SDK1: variants seen among roughly 807,000 people sequenced by gnomAD.
The protein encoded by SDK1 is protein sidekick-1.
A neutral mutation model predicts 245.5 loss-of-function variants in SDK1; 157 were observed. That is an observed-to-expected ratio of 0.64 (90% CI 0.56 to 0.73). The LOEUF is 0.73. SDK1 is among the 30% of genes least tolerant of loss of function. SDK1 has a pLI of 0.00. For missense variants in SDK1, 3,583 were observed against 3,002.3 expected, an observed-to-expected ratio of 1.19 and a Z score of -4.52; for synonymous variants, 1,647 against 1,278.5, an observed-to-expected ratio of 1.29 and a Z score of -6.15.
At chr7:3,693,275 C>A (rs754521114) in intron 4 of SDK1, among the ~76,000 whole-genome samples, 1 of 151,892 alleles carries the variant, frequency 6.6e-6, no homozygotes, top group Non-Finnish European at 1.5e-5. Flanking sequence ...TACTAATTTC[C>A]CTTTTTGCAT....
chr7:3,488,309 C>CT (rs1236838482), intron 1 of SDK1, among the ~76,000 whole-genome samples: 2 of 151,986 alleles, frequency 1.3e-5, no homozygotes, highest in Non-Finnish European at 2.9e-5. Context: ...TCTTTAACTT[C>CT]TTTTTTTGAT....
intron 1 of SDK1, among the ~76,000 whole-genome samples, chr7:3,591,684 A>G (rs188051778): frequency 2.6e-4 from 40 of 152,328 alleles, no homozygotes; most frequent in Non-Finnish European, 5.4e-4. Context: ...CTGTGGGCCC[A>G]TGGCCGCTGG....
At chr7:3,440,042 C>G (rs1297937614) in intron 1 of SDK1, among the ~76,000 whole-genome samples, 2 of 152,170 alleles carry the variant, frequency 1.3e-5, no homozygotes, top group Non-Finnish European at 2.9e-5. Context: ...GTAGTCCCCT[C>G]TCACCTGCAT....
intron 4 of SDK1, among the ~76,000 whole-genome samples, chr7:3,646,929 A>G (rs914916129): frequency 1.3e-5 from 2 of 152,242 alleles, no homozygotes; most frequent in African/African-American, 4.8e-5. Context: ...AAAGCAGAAC[A>G]TTGGTTGCCA....
chr7:3,713,961 C>A (rs949657139), intron 4 of SDK1, among the ~76,000 whole-genome samples: 2 of 152,160 alleles, frequency 1.3e-5, no homozygotes, highest in Admixed American at 6.5e-5. Context: ...AAAGAGAGAG[C>A]ACCTCAGACC....
chr7:4,264,634 T>TG, intron 44 of SDK1, among the ~76,000 whole-genome samples: 1 of 142,390 alleles, frequency 7.0e-6, no homozygotes, highest in Non-Finnish European at 1.5e-5. Context: ...GGACCTCTCC[T>TG]GGGGTAAGGA....
chr7:3,510,976 G>T (rs971448881), intron 1 of SDK1, among the ~76,000 whole-genome samples: 6 of 152,222 alleles, frequency 3.9e-5, no homozygotes, highest in African/African-American at 1.4e-4. Flanking sequence ...AAACAGCAAA[G>T]AATTGCCCTG....
chr7:3,936,226 C>A (rs1419544469), intron 5 of SDK1, among the ~76,000 whole-genome samples: 1 of 151,868 alleles, frequency 6.6e-6, no homozygotes, highest in Non-Finnish European at 1.5e-5. Flanking sequence ...GTGCCAGGGG[C>A]TGGGGAGGAG....
intron 1 of SDK1, among the ~76,000 whole-genome samples, chr7:3,574,347 A>G (rs1050155294): frequency 2.0e-5 from 3 of 151,800 alleles, no homozygotes; most frequent in Non-Finnish European, 2.9e-5. Flanking sequence ...CGAACTCCTG[A>G]CCTCATGATT....
intron 5 of SDK1, among the ~76,000 whole-genome samples, chr7:3,892,036 C>A (rs1405540492): frequency 6.6e-6 from 1 of 152,058 alleles, no homozygotes; most frequent in Non-Finnish European, 1.5e-5. Flanking sequence ...TAGGTTATTT[C>A]TTTTTTCTTT....
At chr7:3,448,941 A>G (rs1056324520) in intron 1 of SDK1, among the ~76,000 whole-genome samples, 1 of 152,196 alleles carries the variant, frequency 6.6e-6, no homozygotes, top group Non-Finnish European at 1.5e-5. Flanking sequence ...CCTGCGAACA[A>G]ATTCACTAAT....
intron 5 of SDK1, among the ~76,000 whole-genome samples, chr7:3,881,497 C>T (rs1781208550): frequency 6.6e-6 from 1 of 152,220 alleles, no homozygotes. Context: ...TTCATCCATT[C>T]TATCATTGAT....
chr7:3,917,957 A>T (rs538803539), intron 5 of SDK1, among the ~76,000 whole-genome samples: 1 of 152,254 alleles, frequency 6.6e-6, no homozygotes, highest in Admixed American at 6.5e-5. Flanking sequence ...AGCAGAAACC[A>T]CCTCTGTTGT....
At chr7:3,381,555 T>G (rs928386020) in intron 1 of SDK1, among the ~76,000 whole-genome samples, 1 of 152,114 alleles carries the variant, frequency 6.6e-6, no homozygotes, top group Non-Finnish European at 1.5e-5. Context: ...TTGTGTTGGT[T>G]GTTTTAAAGG....
chr7:3,311,266 T>C (rs1296137069), intron 1 of SDK1, among the ~76,000 whole-genome samples: 1 of 152,034 alleles, frequency 6.6e-6, no homozygotes, highest in African/African-American at 2.4e-5. Flanking sequence ...TGCAGTAGTA[T>C]TGGGATGGAA....
intron 35 of SDK1, among the ~76,000 whole-genome samples, chr7:4,190,586 T>C (rs1211785265): frequency 1.3e-5 from 2 of 152,228 alleles, no homozygotes; most frequent in Non-Finnish European, 2.9e-5. Flanking sequence ...GTGGAGAGAC[T>C]GTGGGATGCA....
At chr7:3,670,321 A>G (rs1275273417) in intron 4 of SDK1, among the ~76,000 whole-genome samples, 1 of 151,822 alleles carries the variant, frequency 6.6e-6, no homozygotes, top group Admixed American at 6.6e-5. Context: ...TTTTTCTTCC[A>G]TCTCTTTCCC....
intron 5 of SDK1, among the ~76,000 whole-genome samples, chr7:3,854,661 T>C (rs1780497482): frequency 6.6e-6 from 1 of 152,186 alleles, no homozygotes; most frequent in Non-Finnish European, 1.5e-5. Flanking sequence ...AACATAGAAG[T>C]GACAATTTAG....
chr7:4,231,069 C>G (rs1313014320), intron 40 of SDK1, among the ~76,000 whole-genome samples: 1 of 152,104 alleles, frequency 6.6e-6, no homozygotes, highest in Non-Finnish European at 1.5e-5. Flanking sequence ...AATGCACAAG[C>G]CTTCCCTGAC....
Sources: gnomAD v4.1 joint callset for allele counts (sites outside exome capture counted in the v4.1 genomes callset) on GRCh38, gnomAD v4.1.1 for gene constraint, MANE v1.5 for transcripts, NCBI Gene and HGNC (gene_info 2026-07-23, HGNC 2026-07-21) for gene names.